The following ZFHX3 variants were observed in gnomAD, a reference collection of about 807,000 sequenced individuals.
ZFHX3 encodes the protein zinc finger homeobox 3.
A neutral mutation model predicts 279.1 loss-of-function variants in ZFHX3; 42 were observed. The observed-to-expected ratio is 0.15, with a 90% CI of 0.12 to 0.19. The LOEUF (loss-of-function observed/expected upper bound fraction) is 0.19. Among genes scored for constraint, ZFHX3 ranks in the 10% least tolerant of loss-of-function variants. The pLI, the probability that ZFHX3 is intolerant of heterozygous loss-of-function variation, is 1.00. For synonymous variants in ZFHX3, 2,293 were observed against 1,957.8 expected (o/e 1.17, Z -4.52); for missense variants, 4,981 against 4,754.0 (o/e 1.05, Z -1.40).
intron 4 of ZFHX3, among the ~76,000 whole-genome samples, chr16:73,292,836 TGGACTAAAGCTA>T (rs1231064460): frequency 1.3e-5 from 2 of 152,174 alleles, no homozygotes; most frequent in African/African-American, 4.8e-5. Context: ...GTTCTGTTCA[TGGACTAAAGCTA>T]GGAGGTATTC....
At chr16:73,715,230 T>C (rs563975542) in intron 1 of ZFHX3, among the ~76,000 whole-genome samples, 2 of 152,264 alleles carry the variant, frequency 1.3e-5, no homozygotes, top group African/African-American at 2.4e-5. Flanking sequence ...CCTAGGTTTC[T>C]TAGAGCCTCA....
At chr16:72,829,978 CT>C in intron 4 of ZFHX3, 119 bp from the exon 5 acceptor site, 1 of 1,021,940 alleles carries the variant, frequency 9.8e-7, no homozygotes, top group South Asian at 1.4e-5. Context: ...TCCCCCTTCT[CT>C]TTCCAGAGGC....
chr16:73,710,712 G>A (rs1014018319), intron 1 of ZFHX3, among the ~76,000 whole-genome samples: 2 of 152,140 alleles, frequency 1.3e-5, no homozygotes, highest in Non-Finnish European at 2.9e-5. Flanking sequence ...GCTCACAGCC[G>A]CTGTGTCCTG....
chr16:73,631,825 T>A (rs1335670789), intron 2 of ZFHX3, among the ~76,000 whole-genome samples: 1 of 151,922 alleles, frequency 6.6e-6, no homozygotes, highest in African/African-American at 2.4e-5. Context: ...GAGAATCACT[T>A]GAACCTGGGA....
chr16:73,477,700 G>C (rs1367011718), intron 2 of ZFHX3, among the ~76,000 whole-genome samples: 1 of 152,178 alleles, frequency 6.6e-6, no homozygotes, highest in East Asian at 1.9e-4. Context: ...TTCTCACCTG[G>C]AGAACCTGGC....
chr16:73,891,679 A>C (rs976564042), exon 1 of ZFHX3: 2 of 151,900 alleles, frequency 1.3e-5, no homozygotes, highest in African/African-American at 4.8e-5. Context: ...TGTTGCTCTT[A>C]AAAGGAATTC....
chr16:73,622,504 G>A (rs2052373202), intron 2 of ZFHX3, among the ~76,000 whole-genome samples: 2 of 152,298 alleles, frequency 1.3e-5, no homozygotes, highest in South Asian at 2.1e-4. Flanking sequence ...GGAGCTTGCA[G>A]TGAGCCGAGA....
intron 5 of ZFHX3, among the ~76,000 whole-genome samples, chr16:73,167,546 G>GA (rs1485183383): frequency 4.0e-5 from 6 of 151,838 alleles, no homozygotes; most frequent in East Asian, 1.9e-4. Flanking sequence ...CTGTGAAATA[G>GA]AAAAAAAATA....
intron 2 of ZFHX3, among the ~76,000 whole-genome samples, chr16:73,469,100 G>T (rs2018619367): frequency 6.6e-6 from 1 of 152,244 alleles, no homozygotes; most frequent in Admixed American, 6.5e-5. Context: ...AAATGCAGGA[G>T]GATGCAGAGT....
intron 2 of ZFHX3, among the ~76,000 whole-genome samples, chr16:73,634,415 C>A: frequency 7.6e-6 from 1 of 130,760 alleles, no homozygotes; most frequent in South Asian, 2.4e-4. Context: ...GAAGGCAACT[C>A]AACCAGTTAT....
intron 2 of ZFHX3, among the ~76,000 whole-genome samples, chr16:73,544,586 C>T (rs1480536474): frequency 6.6e-6 from 1 of 152,094 alleles, no homozygotes; most frequent in East Asian, 1.9e-4. Context: ...GGAAAGAGAG[C>T]TTGGGGAACG....
chr16:73,840,483 C>T (rs952723633), intron 1 of ZFHX3, among the ~76,000 whole-genome samples: 1 of 152,188 alleles, frequency 6.6e-6, no homozygotes, highest in Non-Finnish European at 1.5e-5. Context: ...TTTTCCTGGT[C>T]TGATCCTCAG....
chr16:73,465,889 C>T (rs558465735), intron 2 of ZFHX3, among the ~76,000 whole-genome samples: 160 of 152,144 alleles, frequency 1.1e-3, no homozygotes, highest in Non-Finnish European at 2.0e-3. Context: ...TCTAGGAGGC[C>T]GTGACAGTAA....
intron 4 of ZFHX3, among the ~76,000 whole-genome samples, chr16:73,308,077 C>G (rs1287270908): frequency 6.6e-6 from 1 of 151,558 alleles, no homozygotes; most frequent in Non-Finnish European, 1.5e-5. Flanking sequence ...GCACTTAGAA[C>G]TAGAGAGAGT....
chr16:73,259,365 T>A (rs1279928971), intron 4 of ZFHX3, among the ~76,000 whole-genome samples: 3 of 152,270 alleles, frequency 2.0e-5, no homozygotes, highest in Non-Finnish European at 4.4e-5. Flanking sequence ...TCAAACTTTA[T>A]AATGTTTGCC....
chr16:73,029,266 G>A (rs1276081504), intron 1 of ZFHX3, among the ~76,000 whole-genome samples: 1 of 152,116 alleles, frequency 6.6e-6, no homozygotes, highest in Non-Finnish European at 1.5e-5. Context: ...GAACCACACT[G>A]GCGTGTTTCC....
chr16:72,925,510 T>A (rs373729353), intron 3 of ZFHX3, among the ~76,000 whole-genome samples: 3 of 152,266 alleles, frequency 2.0e-5, no homozygotes, highest in South Asian at 2.1e-4. Context: ...CAATGCTGCA[T>A]ACGCACGCTG....
intron 1 of ZFHX3, among the ~76,000 whole-genome samples, chr16:73,006,622 G>GAAAGA (rs140335849): frequency 0.016 from 2,313 of 148,268 alleles, 62 homozygotes; most frequent in African/African-American, 0.053. Flanking sequence ...AGAAAGAAAA[G>GAAAGA]AAAGAAAAGA....
intron 1 of ZFHX3, among the ~76,000 whole-genome samples, chr16:73,784,073 G>A (rs1181976864): frequency 6.6e-6 from 1 of 152,056 alleles, no homozygotes; most frequent in Non-Finnish European, 1.5e-5. Context: ...AATGGTGAGG[G>A]CAGCAAATCA....
Sources: gnomAD v4.1 joint callset for allele counts (sites outside exome capture counted in the v4.1 genomes callset) on GRCh38, gnomAD v4.1.1 for gene constraint, MANE v1.5 for transcripts, NCBI Gene and HGNC (gene_info 2026-07-23, HGNC 2026-07-21) for gene names.